The following TNRC6C variants were observed in gnomAD, a reference collection of about 807,000 sequenced individuals.
TNRC6C encodes the protein trinucleotide repeat containing adaptor 6C, also known as trinucleotide repeat-containing gene 6C protein.
Under a neutral mutation model 153.7 loss-of-function variants are expected in TNRC6C, and 20 were observed. The observed-to-expected ratio is 0.13, with a 90% CI of 0.09 to 0.19. TNRC6C has a LOEUF of 0.19. TNRC6C is among the 10% of genes least tolerant of loss of function. The pLI, the probability that TNRC6C is intolerant of heterozygous loss-of-function variation, is 1.00. For missense variants in TNRC6C, 1,987 were observed against 2,172.0 expected (o/e 0.91, Z 1.69); for synonymous variants, 811 against 841.4 (o/e 0.96, Z 0.63).
intron 13 of TNRC6C, 53 bp downstream of exon 15, chr17:78,087,146 G>A: frequency 6.3e-7 from 1 of 1,588,254 alleles, no homozygotes; most frequent in Non-Finnish European, 8.6e-7. Context: ...GGTACCTGGA[G>A]TCCGTATGTG....
At chr17:78,050,060 G>C (rs750724099) in exon 3 of TNRC6C, 1 of 1,610,770 alleles carries the variant, frequency 6.2e-7, no homozygotes, top group Non-Finnish European at 8.5e-7. Context: ...CACCCCAGCC[G>C]AAGCACCTCT....
intron 1 of TNRC6C, among the ~76,000 whole-genome samples, chr17:78,013,901 C>T (rs1175107330): frequency 1.3e-5 from 2 of 152,096 alleles, no homozygotes; most frequent in African/African-American, 4.8e-5. Flanking sequence ...GTTCACTATG[C>T]GAGGCATCAA....
At chr17:78,010,980 T>C (rs998079591) in intron 1 of TNRC6C, among the ~76,000 whole-genome samples, 15 of 152,306 alleles carry the variant, frequency 9.8e-5, no homozygotes, top group Admixed American at 5.2e-4. Context: ...CGGGGGCGCC[T>C]CCCGAGGGCA....
chr17:78,031,561 G>A (rs1250244688), exon 2 of TNRC6C: 2 of 1,232,200 alleles, frequency 1.6e-6, no homozygotes, highest in Non-Finnish European at 2.0e-6. Context: ...CAACCTGCCG[G>A]TACCAGTACC....
At chr17:78,026,670 C>T (rs528243060) in intron 1 of TNRC6C, among the ~76,000 whole-genome samples, 2 of 152,246 alleles carry the variant, frequency 1.3e-5, no homozygotes, top group Admixed American at 6.5e-5. Flanking sequence ...GTGGACCTTG[C>T]AGAGAGTTTG....
At chr17:77,997,502 A>G (rs2071345659) in intron 1 of TNRC6C, among the ~76,000 whole-genome samples, 1 of 152,014 alleles carries the variant, frequency 6.6e-6, no homozygotes, top group African/African-American at 2.4e-5. Context: ...CTTTATCTTT[A>G]GCTCTGCACC....
chr17:77,964,705 C>T (rs2070884431), intron 1 of TNRC6C, among the ~76,000 whole-genome samples: 1 of 152,170 alleles, frequency 6.6e-6, no homozygotes, highest in Non-Finnish European at 1.5e-5. Context: ...TGTCACCTTT[C>T]CAACTGTTGT....
rs755349720 is a variant in TNRC6C, at chr17:78,049,114, A to G, written c.52A>G (p.Asn18Asp). The G allele has an allele frequency of 1.3e-6, 2 of 1,584,520 alleles. No homozygotes were observed. The highest frequency in any genetic ancestry group is 8.6e-7 in the Non-Finnish European group (1 of 1,164,726). The change falls in exon 3 of 20, where the codon AAT (asparagine) becomes GAT (aspartate). Residue 18 changes from asparagine to aspartate, a missense_variant. Coordinates refer to ENST00000301624, the Ensembl canonical transcript of TNRC6C. This position sits in a 1 kb window ranked among gnomAD's most constrained non-coding sequence, Gnocchi z 4.1. Reference sequence around the variant, plus strand: ...CTTCACTGGACATACCAAGAAGACAAATGGCAATAATGGCACCAATGGCGC... The same window carrying G: ...CTTCACTGGACATACCAAGAAGACAGATGGCAATAATGGCACCAATGGCGC...
At chr17:78,029,228 G>T (rs142782295) in intron 1 of TNRC6C, among the ~76,000 whole-genome samples, 151 of 152,258 alleles carry the variant, frequency 9.9e-4, no homozygotes, top group African/African-American at 3.5e-3. Context: ...TCAGTAGTAC[G>T]ATCATACCTT....
chr17:78,063,254 T>G (rs2072804683), intron 3 of TNRC6C, among the ~76,000 whole-genome samples: 1 of 148,200 alleles, frequency 6.7e-6, no homozygotes, highest in Admixed American at 6.8e-5. Context: ...CCAAAATATA[T>G]ATATATATAT....
At chr17:77,959,407 C>G (rs532841956) in intron 1 of TNRC6C, 139 bp downstream of exon 1, 13 of 151,802 alleles carry the variant, frequency 8.6e-5, no homozygotes, top group African/African-American at 3.1e-4. Flanking sequence ...CCCGGGCCGG[C>G]CGGGTTTGAG....
intron 2 of TNRC6C, among the ~76,000 whole-genome samples, chr17:78,035,358 T>C (rs1368844577): frequency 6.6e-6 from 1 of 152,214 alleles, no homozygotes; most frequent in East Asian, 1.9e-4. Context: ...TACTTTTGAC[T>C]CATCTTTGAA....
intron 18 of TNRC6C, chr17:78,102,864 G>T (rs574285414): frequency 6.2e-6 from 2 of 324,850 alleles, no homozygotes; most frequent in South Asian, 4.2e-5. Context: ...CTGGCTGGGC[G>T]CAGTAGCTCA....
chr17:78,086,729 G>A (rs1041895226), intron 12 of TNRC6C, 124 bp from the exon 15 acceptor site: 5 of 1,564,482 alleles, frequency 3.2e-6, no homozygotes, highest in Non-Finnish European at 4.4e-6. Flanking sequence ...GCTAGGTTTG[G>A]GAGGAGGTTG....
chr17:78,033,529 C>T (rs544805272), intron 2 of TNRC6C, among the ~76,000 whole-genome samples: 1 of 152,066 alleles, frequency 6.6e-6, no homozygotes, highest in Non-Finnish European at 1.5e-5. Flanking sequence ...ATTAGCTGGG[C>T]ATGTTGGCAC....
upstream of TNRC6C, among the ~76,000 whole-genome samples, chr17:78,003,876 G>C (rs2071452671): frequency 6.6e-6 from 1 of 152,170 alleles, no homozygotes; most frequent in African/African-American, 2.4e-5. Flanking sequence ...CAGACTAGGG[G>C]CTGGACTGTA....
At chr17:78,067,191 A>C (rs1050591963) in intron 4 of TNRC6C, 1 of 152,202 alleles carries the variant, frequency 6.6e-6, no homozygotes, top group Admixed American at 6.5e-5. Flanking sequence ...AAAAAGAAAA[A>C]AAAAATTAGC....
At chr17:78,087,485 T>G (rs995260582) in intron 13 of TNRC6C, among the ~76,000 whole-genome samples, 1 of 151,266 alleles carries the variant, frequency 6.6e-6, no homozygotes, top group African/African-American at 2.4e-5. Context: ...CCGCTGCCAA[T>G]AATACTCTCA....
chr17:77,989,720 A>G (rs78156782), intron 1 of TNRC6C, among the ~76,000 whole-genome samples: 4,208 of 152,310 alleles, frequency 0.028, 177 homozygotes, highest in African/African-American at 0.096. Context: ...ACTCTGGCAC[A>G]TTGTGTGGCC....
Sources: allele counts gnomAD v4.1 joint callset (sites outside exome capture counted in the v4.1 genomes callset), GRCh38; gene constraint gnomAD v4.1.1; non-coding constraint Gnocchi (gnomAD v3.1); transcripts MANE v1.5; gene names NCBI Gene and HGNC (gene_info 2026-07-23, HGNC 2026-07-21).